RBM19: variants seen among roughly 807,000 people sequenced by gnomAD.
RBM19 encodes probable RNA-binding protein 19.
A neutral mutation model predicts 116.8 loss-of-function variants in RBM19; 94 were observed. That is an observed-to-expected ratio of 0.80 (90% CI 0.68 to 0.95). RBM19 has a LOEUF of 0.95. RBM19 is among the 40% of genes least tolerant of loss of function. RBM19 has a pLI of 0.00. For missense variants in RBM19, 1,161 were observed against 1,220.7 expected, an observed-to-expected ratio of 0.95 and a Z score of 0.73; for synonymous variants, 475 against 494.1, an observed-to-expected ratio of 0.96 and a Z score of 0.51.
rs563155280 is a variant in RBM19, at chr12:113,905,175, C to T, written c.2558+9794G>A. 1.4e-4 allele frequency among the ~76,000 whole-genome samples: 22 copies of T among 152,284 alleles called. No homozygotes were observed. The East Asian group carries it at 1.5e-3, about 11-fold the overall frequency. ...ATGGCCAACCCCAGCCAGGCAATCACGAGAAAGAACAAAGCCACTGGATAT... is the reference window on the plus strand; with the variant it reads ...ATGGCCAACCCCAGCCAGGCAATCATGAGAAAGAACAAAGCCACTGGATAT... On this transcript the variant is annotated intron_variant, in intron 21 of 23. Transcript: ENST00000261741.
intron 23 of RBM19, among the ~76,000 whole-genome samples, chr12:113,839,416 C>T (rs971073261): frequency 4.6e-5 from 7 of 152,216 alleles, no homozygotes; most frequent in African/African-American, 1.7e-4. Flanking sequence ...CTGCTCTGTG[C>T]TGGACACACT....
At chr12:113,835,013 T>C (rs1029964702) in intron 23 of RBM19, among the ~76,000 whole-genome samples, 1 of 152,174 alleles carries the variant, frequency 6.6e-6, no homozygotes, top group Non-Finnish European at 1.5e-5. Context: ...AGAACTTACA[T>C]GATTGCCTTT....
intron 10 of RBM19, among the ~76,000 whole-genome samples, chr12:113,948,117 C>A (rs376877368): frequency 7.9e-4 from 121 of 152,330 alleles, no homozygotes; most frequent in African/African-American, 2.9e-3. Context: ...CTTACCCTGA[C>A]AACGGGGCCC....
intron 21 of RBM19, among the ~76,000 whole-genome samples, chr12:113,889,930 A>G (rs1880830005): frequency 1.3e-5 from 2 of 150,240 alleles, no homozygotes; most frequent in Non-Finnish European, 3.0e-5. Context: ...TCGATCAGAG[A>G]GCCTCAGCGC....
At chr12:113,906,232 G>A (rs1289660856) in intron 21 of RBM19, among the ~76,000 whole-genome samples, 4 of 152,146 alleles carry the variant, frequency 2.6e-5, no homozygotes, top group African/African-American at 9.7e-5. Context: ...TTGGTAAAAT[G>A]GGTAAGTATA....
At chr12:113,892,862 G>C (rs972017219) in intron 21 of RBM19, among the ~76,000 whole-genome samples, 1 of 151,990 alleles carries the variant, frequency 6.6e-6, no homozygotes, top group African/African-American at 2.4e-5. Flanking sequence ...ATCCGTGTTC[G>C]GTGCAGGTAA....
At position 113,918,436 on chromosome 12, in the gene RBM19, CACG is replaced by C; in HGVS notation, c.2394_2396del (p.Val799del). ...TCCTCACTTCCAGCTTGTGGCCGTC[CACG>C]ACGTGACCCTAAGAGAGAAGACAAC... On this transcript the variant is annotated inframe_deletion, in exon 20 of 24. Coordinates refer to ENST00000261741, the MANE Select transcript of RBM19 (RefSeq NM_016196.4). 1 of 1,614,168 alleles carries C rather than the reference CACG, an allele frequency of 6.2e-7. No homozygotes were observed. The highest frequency in any genetic ancestry group is 8.5e-7 in the Non-Finnish European group (1 of 1,180,032).
chr12:113,880,793 C>G (rs772179190), intron 21 of RBM19, among the ~76,000 whole-genome samples: 1 of 152,152 alleles, frequency 6.6e-6, no homozygotes, highest in South Asian at 2.1e-4. Context: ...CCCACCTGTA[C>G]CTTAGCTCTG....
At chr12:113,870,509 A>G (rs918892561) in intron 21 of RBM19, among the ~76,000 whole-genome samples, 3 of 152,150 alleles carry the variant, frequency 2.0e-5, no homozygotes, top group African/African-American at 7.2e-5. Flanking sequence ...TCCTCAACCT[A>G]AGGCAGGAAT....
intron 20 of RBM19, among the ~76,000 whole-genome samples, chr12:113,917,754 G>A (rs1199680298): frequency 2.0e-5 from 3 of 152,142 alleles, no homozygotes; most frequent in East Asian, 1.9e-4. Flanking sequence ...AATGGCTTAC[G>A]CTGGGCACCT....
chr12:113,817,159 A>G, downstream of RBM19: 1 of 152,408 alleles, frequency 6.6e-6, no homozygotes, highest in Non-Finnish European at 1.5e-5. Context: ...CGGCAGGAAA[A>G]GGAGAGGAGG....
chr12:113,937,634 G>A (rs1593616022), intron 15 of RBM19, among the ~76,000 whole-genome samples: 2 of 152,180 alleles, frequency 1.3e-5, no homozygotes, highest in Middle Eastern at 3.4e-3. Flanking sequence ...TGGGCATGGT[G>A]GCACACACCT....
At chr12:113,916,895 T>A (rs1204091237) in intron 20 of RBM19, among the ~76,000 whole-genome samples, 1 of 152,174 alleles carries the variant, frequency 6.6e-6, no homozygotes, top group African/African-American at 2.4e-5. Flanking sequence ...CATGAAACTA[T>A]GAGATAATGT....
intron 2 of RBM19, 77 bp downstream of exon 2, chr12:113,962,155 G>C: frequency 6.5e-7 from 1 of 1,527,542 alleles, no homozygotes; most frequent in Admixed American, 1.8e-5. Context: ...GACGGTCTTT[G>C]AACTCAAGTG....
At chr12:113,906,404 A>G (rs375429740) in intron 21 of RBM19, among the ~76,000 whole-genome samples, 27 of 152,320 alleles carry the variant, frequency 1.8e-4, no homozygotes, top group African/African-American at 6.3e-4. Flanking sequence ...GTACAAAAAC[A>G]GGCAACACTA....
chr12:113,915,515 G>A (rs1304123558), intron 20 of RBM19, among the ~76,000 whole-genome samples: 1 of 152,206 alleles, frequency 6.6e-6, no homozygotes, highest in African/African-American at 2.4e-5. Context: ...AGATGGACCA[G>A]GTGGCGAGCA....
At chr12:113,962,183 C>T in intron 2 of RBM19, 49 bp downstream of exon 2, 6 of 1,596,606 alleles carry the variant, frequency 3.8e-6, no homozygotes, top group Non-Finnish European at 5.1e-6. Flanking sequence ...AAAGATCAAA[C>T]AACGTCACAC....
At chr12:113,866,901 C>T (rs1259400277) in intron 21 of RBM19, among the ~76,000 whole-genome samples, 1 of 152,230 alleles carries the variant, frequency 6.6e-6, no homozygotes, top group African/African-American at 2.4e-5. Context: ...AAAGTCAAGA[C>T]ACCGTGTTGC....
chr12:113,965,854 C>G lies in RBM19; in HGVS notation c.36+338G>C, dbSNP rs900227008. ...AGAGGAATATAAATACAGTGTCGGACCATGTCCCGGGTCAACAACTAAAAA... is the reference window on the plus strand; with the variant it reads ...AGAGGAATATAAATACAGTGTCGGAGCATGTCCCGGGTCAACAACTAAAAA... On this transcript the variant is annotated intron_variant, in intron 1 of 23. Transcript: ENST00000261741. 3.3e-5 allele frequency among the ~76,000 whole-genome samples: 5 copies of G among 152,258 alleles called. No individual in the cohort carries two copies. In the South Asian group the frequency reaches 1.0e-3, roughly 32 times the overall value.
Sources: allele counts gnomAD v4.1 joint callset (sites outside exome capture counted in the v4.1 genomes callset), GRCh38; gene constraint gnomAD v4.1.1; transcripts MANE v1.5; gene names NCBI Gene and HGNC (gene_info 2026-07-23, HGNC 2026-07-21).